Variants in EML4 observed in about 807,000 individuals in gnomAD.
The protein encoded by EML4 is EMAP like 4, also known as echinoderm microtubule-associated protein-like 4.
A neutral mutation model predicts 129.0 loss-of-function variants in EML4; 72 were observed. That is an observed-to-expected ratio of 0.56 (90% CI 0.46 to 0.68). The LOEUF is 0.68. Among genes scored for constraint, EML4 ranks in the 30% least tolerant of loss-of-function variants. The pLI, the probability that EML4 is intolerant of heterozygous loss-of-function variation, is 0.00. For missense variants in EML4, 1,363 were observed against 1,190.6 expected (o/e 1.14, Z -2.13); for synonymous variants, 532 against 405.0 (o/e 1.31, Z -3.77).
At chr2:42,303,477 C>T (rs753248667) in intron 16 of EML4, 31 bp downstream of exon 16, 53 of 1,604,618 alleles carry the variant, frequency 3.3e-5, no homozygotes, top group African/African-American at 6.7e-5. Flanking sequence ...TTATTAACCT[C>T]CCCACAGAAA....
chr2:42,293,439 T>C (rs72972038), intron 11 of EML4, among the ~76,000 whole-genome samples: 6,206 of 152,214 alleles, frequency 0.041, 396 homozygotes, highest in African/African-American at 0.14. Context: ...TTTATGTGCT[T>C]ATGCAAAGGC....
intron 1 of EML4, among the ~76,000 whole-genome samples, chr2:42,213,203 C>T (rs557033444): frequency 9.9e-5 from 15 of 152,228 alleles, no homozygotes; most frequent in Non-Finnish European, 2.1e-4. Context: ...ACACAGATCA[C>T]AAAACATTAC....
intron 1 of EML4, among the ~76,000 whole-genome samples, chr2:42,226,231 C>T (rs1015840461): frequency 3.3e-5 from 5 of 152,050 alleles, no homozygotes; most frequent in Non-Finnish European, 4.4e-5. Context: ...TATACATACT[C>T]ATGTAATTCT....
chr2:42,275,662 A>G (rs549575026), intron 6 of EML4, among the ~76,000 whole-genome samples: 1 of 152,352 alleles, frequency 6.6e-6, no homozygotes, highest in South Asian at 2.1e-4. Flanking sequence ...AACATAAGTT[A>G]GTAAGTGCTA....
At chr2:42,170,568 C>T (rs761378015) in intron 1 of EML4, among the ~76,000 whole-genome samples, 1 of 152,176 alleles carries the variant, frequency 6.6e-6, no homozygotes, top group Non-Finnish European at 1.5e-5. Context: ...ATCAAAACTC[C>T]AGGCTAGTAT....
chr2:42,201,477 G>C (rs1672230480), intron 1 of EML4, among the ~76,000 whole-genome samples: 1 of 152,186 alleles, frequency 6.6e-6, no homozygotes, highest in African/African-American at 2.4e-5. Flanking sequence ...CGCTTTCTGT[G>C]ATGAAGCAGT....
intron 7 of EML4, among the ~76,000 whole-genome samples, chr2:42,282,292 ATATT>A (rs1376765566): frequency 6.7e-6 from 1 of 150,146 alleles, no homozygotes; most frequent in Non-Finnish European, 1.5e-5. Flanking sequence ...ATTTCAATAC[ATATT>A]TGTCTGGTAA....
chr2:42,220,317 A>G (rs1673503891), intron 1 of EML4, among the ~76,000 whole-genome samples: 1 of 151,316 alleles, frequency 6.6e-6, no homozygotes, highest in African/African-American at 2.4e-5. Context: ...CGTTTTTCCA[A>G]CAGCATGTGT....
intron 1 of EML4, among the ~76,000 whole-genome samples, chr2:42,238,253 A>G (rs888236064): frequency 1.6e-4 from 24 of 152,324 alleles, no homozygotes; most frequent in African/African-American, 5.1e-4. Flanking sequence ...GATAAGGGAT[A>G]CTCAACCTGT....
At chr2:42,184,002 T>C (rs1671101012) in intron 1 of EML4, among the ~76,000 whole-genome samples, 1 of 152,204 alleles carries the variant, frequency 6.6e-6, no homozygotes, top group Admixed American at 6.5e-5. Flanking sequence ...CTTTAACACC[T>C]ACTTTGGTAC....
chr2:42,311,201 A>G (rs531288959), intron 17 of EML4, among the ~76,000 whole-genome samples: 8 of 152,202 alleles, frequency 5.3e-5, no homozygotes, highest in African/African-American at 1.4e-4. Context: ...AAGAGATAAA[A>G]TTACATAGTT....
At chr2:42,203,988 A>G (rs775781321) in intron 1 of EML4, among the ~76,000 whole-genome samples, 26 of 152,118 alleles carry the variant, frequency 1.7e-4, no homozygotes, top group Non-Finnish European at 3.2e-4. Context: ...TGACACAATC[A>G]TAGTGCACTG....
Position 42,280,888 on chromosome 2 carries a change from A to G in EML4, c.706A>G (p.Ile236Val), listed in dbSNP as rs540700419. 70 of 1,612,204 alleles carry G rather than the reference A, an allele frequency of 4.3e-5. No homozygotes were observed. Among genetic ancestry groups the G allele is most frequent in the Middle Eastern group, 1.6e-4 (1 of 6,082 alleles). Residue 236 changes from isoleucine to valine, a missense_variant, in exon 7 of 23, where the codon ATT becomes GTT. Ile to Val is a conservative substitution (Grantham distance 29). Transcript: ENST00000318522. ...YIKMFMRGRPITMFIPSDVDN... is the reference protein window; with the variant it reads ...YIKMFMRGRPVTMFIPSDVDN... ...TAAAATGTTTATGCGCGGTCGGCCA[A>G]TTACCATGTTCATTCCTTCCGATGT...
At chr2:42,195,556 C>T (rs574495751) in intron 1 of EML4, among the ~76,000 whole-genome samples, 5 of 152,188 alleles carry the variant, frequency 3.3e-5, no homozygotes, top group African/African-American at 4.8e-5. Context: ...TTAAAATGTA[C>T]GTTTGCATAT....
chr2:42,203,235 G>C (rs1252553097), intron 1 of EML4, among the ~76,000 whole-genome samples: 1 of 152,130 alleles, frequency 6.6e-6, no homozygotes, highest in Non-Finnish European at 1.5e-5. Context: ...CCAGTTAAAA[G>C]AAAACTTAAC....
chr2:42,250,246 G>A (rs79070884), intron 2 of EML4, among the ~76,000 whole-genome samples: 1,842 of 152,184 alleles, frequency 0.012, 33 homozygotes, highest in African/African-American at 0.042. Flanking sequence ...AGAACCCAAA[G>A]GCAAAATTGA....
At chr2:42,214,042 T>A (rs1673032780) in intron 1 of EML4, among the ~76,000 whole-genome samples, 1 of 152,178 alleles carries the variant, frequency 6.6e-6, no homozygotes, top group Non-Finnish European at 1.5e-5. Context: ...GTAACACATA[T>A]GTTTTGTGAT....
intron 1 of EML4, among the ~76,000 whole-genome samples, chr2:42,170,826 G>C (rs1464357294): frequency 6.6e-6 from 1 of 152,194 alleles, no homozygotes; most frequent in Non-Finnish European, 1.5e-5. Context: ...ACTGATCAGT[G>C]AGCAGTCTGG....
intron 3 of EML4, among the ~76,000 whole-genome samples, chr2:42,260,894 A>G (rs1235762982): frequency 6.6e-6 from 1 of 152,230 alleles, no homozygotes; most frequent in African/African-American, 2.4e-5. Flanking sequence ...TAAAGGGGCA[A>G]TCTTCATGGG....
Sources: gnomAD v4.1 joint callset for allele counts (sites outside exome capture counted in the v4.1 genomes callset) on GRCh38, gnomAD v4.1.1 for gene constraint, MANE v1.5 for transcripts, NCBI Gene and HGNC (gene_info 2026-07-23, HGNC 2026-07-21) for gene names.